The following GABBR2 variants were observed in gnomAD, a reference collection of about 807,000 sequenced individuals.
GABBR2 encodes the protein G-protein coupled receptor 51.
Under a neutral mutation model 105.6 loss-of-function variants are expected in GABBR2, and 23 were observed. That is an observed-to-expected ratio of 0.22 (90% confidence interval 0.16 to 0.31). The LOEUF (loss-of-function observed/expected upper bound fraction) is 0.31. Among genes scored for constraint, GABBR2 ranks in the 10% least tolerant of loss-of-function variants. The pLI, the probability that GABBR2 is intolerant of heterozygous loss-of-function variation, is 1.00. For missense variants in GABBR2, 734 were observed against 1,245.5 expected, an observed-to-expected ratio of 0.59 and a Z score of 6.18; for synonymous variants, 478 against 499.7, an observed-to-expected ratio of 0.96 and a Z score of 0.58.
chr9:98,443,937 C>T (rs1439102475), intron 7 of GABBR2, among the ~76,000 whole-genome samples: 1 of 152,202 alleles, frequency 6.6e-6, no homozygotes, highest in Non-Finnish European at 1.5e-5. Flanking sequence ...TCCTACCTGG[C>T]CCTGGTCTGG....
chr9:98,460,255 C>A (rs1826400019), intron 6 of GABBR2, among the ~76,000 whole-genome samples: 1 of 152,070 alleles, frequency 6.6e-6, no homozygotes, highest in African/African-American at 2.4e-5. Flanking sequence ...TGGTGGCGGG[C>A]ACCTGTAATT....
chr9:98,708,470 T>G lies in GABBR2; in HGVS notation c.268A>C (p.Asn90His). ...AVELAIEQIRNESLLRPYFLD... is the reference protein window; with the variant it reads ...AVELAIEQIRHESLLRPYFLD... The stretch of plus-strand genomic sequence containing the variant: ...AAGTAGGGGCGCAGGAGTGACTCGT[T>G]GCGGATCTGCTCGATGGCCAGTTCC... The change falls in exon 1 of 19, where the codon AAC (asparagine) becomes CAC (histidine). Residue 90 changes from asparagine to histidine, a missense_variant. Physicochemically the swap from Asn to His is moderately conservative, Grantham distance 68. This residue lies in a region of GABBR2 where 370 missense variants were observed against 648.9 expected (regional missense o/e 0.57). Coordinates refer to ENST00000259455, the MANE Select transcript of GABBR2 (RefSeq NM_005458.8). 3 of 1,583,532 alleles carry G rather than the reference T, an allele frequency of 1.9e-6. No individual in the cohort carries two copies. Among genetic ancestry groups the G allele is most frequent in the Non-Finnish European group, 2.6e-6 (3 of 1,163,856 alleles).
chr9:98,394,071 C>A, intron 9 of GABBR2, 104 bp downstream of exon 9: 1 of 784,936 alleles, frequency 1.3e-6, no homozygotes, highest in South Asian at 1.6e-5. Flanking sequence ...TTCCCTTGAC[C>A]CCCTGAAGCC....
At chr9:98,363,266 G>C (rs16915210) in intron 12 of GABBR2, among the ~76,000 whole-genome samples, 1 of 151,962 alleles carries the variant, frequency 6.6e-6, no homozygotes, top group Non-Finnish European at 1.5e-5. Flanking sequence ...ACTCCATAGC[G>C]CTTTGTCCAC....
intron 2 of GABBR2, among the ~76,000 whole-genome samples, chr9:98,557,928 A>G (rs902468042): frequency 1.3e-5 from 2 of 152,218 alleles, no homozygotes; most frequent in Non-Finnish European, 2.9e-5. Context: ...CAGGTTCATC[A>G]AAGAGTTTTT....
At chr9:98,499,278 G>A (rs1310689108) in intron 3 of GABBR2, among the ~76,000 whole-genome samples, 1 of 152,174 alleles carries the variant, frequency 6.6e-6, no homozygotes, top group Non-Finnish European at 1.5e-5. Context: ...TTTTATAGGT[G>A]GTCAGAACTC....
At chr9:98,369,021 G>A (rs1483991659) in intron 12 of GABBR2, among the ~76,000 whole-genome samples, 1 of 152,186 alleles carries the variant, frequency 6.6e-6, no homozygotes, top group African/African-American at 2.4e-5. Context: ...ACATCACCAG[G>A]GAAAGCTGAA....
At chr9:98,482,477 G>T (rs1750373806) in intron 4 of GABBR2, among the ~76,000 whole-genome samples, 1 of 152,104 alleles carries the variant, frequency 6.6e-6, no homozygotes, top group Admixed American at 6.5e-5. Context: ...CTTGCTTCCA[G>T]GCATGCTCCA....
At chr9:98,442,586 A>G (rs1826051653) in intron 7 of GABBR2, among the ~76,000 whole-genome samples, 1 of 152,244 alleles carries the variant, frequency 6.6e-6, no homozygotes, top group Non-Finnish European at 1.5e-5. Flanking sequence ...CAAAACAGTG[A>G]CAATAAATAG....
At chr9:98,481,042 A>G in intron 4 of GABBR2, 45 bp from the exon 5 acceptor site, 1 of 1,193,970 alleles carries the variant, frequency 8.4e-7, no homozygotes, top group South Asian at 1.2e-5. Context: ...GATGTTCAGC[A>G]CCCCATAAAG....
Position 98,385,677 on chromosome 9 carries a change from G to A in GABBR2, c.1625C>T (p.Ser542Phe). ...TTCAAAGGTCTTTTCAGAGACAAAG[G>A]ATCCATCAAGGCCAAAGAGAAATAT... The part of the protein sequence containing the change: ...ASIFLFGLDG[S>F]FVSEKTFETL... The change falls in exon 11 of 19, where the codon TCC (serine) becomes TTC (phenylalanine). Residue 542 changes from serine to phenylalanine, a missense_variant. Ser to Phe is a radical substitution (Grantham distance 155, BLOSUM62 -2). Around this residue, in one of 7 missense-constraint regions of GABBR2, gnomAD observed 370 missense variants for 648.9 expected, o/e 0.57. Transcript: ENST00000259455. The A allele has an allele frequency of 6.2e-7, 1 of 1,612,670 alleles. No individual in the cohort carries two copies. Among genetic ancestry groups the A allele is most frequent in the Non-Finnish European group, 8.5e-7 (1 of 1,178,696 alleles).
At chr9:98,583,072 G>A (rs952153114) in intron 1 of GABBR2, among the ~76,000 whole-genome samples, 9 of 152,130 alleles carry the variant, frequency 5.9e-5, no homozygotes, top group South Asian at 2.1e-4. Flanking sequence ...GGATAATGCC[G>A]CAAGCCCAGG....
At chr9:98,483,133 C>A (rs1227116404) in intron 4 of GABBR2, among the ~76,000 whole-genome samples, 1 of 152,126 alleles carries the variant, frequency 6.6e-6, no homozygotes, top group Non-Finnish European at 1.5e-5. Context: ...CCAAGAGGCC[C>A]TTTCCTCCTC....
intron 2 of GABBR2, among the ~76,000 whole-genome samples, chr9:98,565,834 C>T (rs368370201): frequency 3.9e-5 from 6 of 152,316 alleles, no homozygotes; most frequent in Admixed American, 6.5e-5. Context: ...GACGCGTACC[C>T]GGTATTATTG....
At chr9:98,478,962 T>G (rs753566798) in intron 5 of GABBR2, among the ~76,000 whole-genome samples, 4 of 152,168 alleles carry the variant, frequency 2.6e-5, no homozygotes, top group Non-Finnish European at 5.9e-5. Flanking sequence ...CCGAGTTTCT[T>G]TTGTAAAAGA....
intron 14 of GABBR2, among the ~76,000 whole-genome samples, chr9:98,310,137 A>G (rs1588093173): frequency 1.3e-5 from 2 of 152,180 alleles, no homozygotes; most frequent in East Asian, 1.9e-4. Context: ...CATGGTTTAT[A>G]TAGGATATAG....
intron 1 of GABBR2, among the ~76,000 whole-genome samples, chr9:98,649,399 C>A (rs1483870484): frequency 6.6e-6 from 1 of 152,142 alleles, no homozygotes; most frequent in Non-Finnish European, 1.5e-5. Flanking sequence ...CTTACGGCCC[C>A]AAAGAGTTAG....
At chr9:98,694,760 G>A (rs755710374) in intron 1 of GABBR2, among the ~76,000 whole-genome samples, 3 of 151,888 alleles carry the variant, frequency 2.0e-5, no homozygotes, top group South Asian at 2.1e-4. Context: ...CTCTTTCTCC[G>A]ATCTCTATAA....
At chr9:98,342,554 C>A (rs1442446333) in intron 13 of GABBR2, among the ~76,000 whole-genome samples, 1 of 152,204 alleles carries the variant, frequency 6.6e-6, no homozygotes, top group African/African-American at 2.4e-5. Context: ...GGAGGCAGCC[C>A]ATGGGTAATG....
Sources: allele counts gnomAD v4.1 joint callset (sites outside exome capture counted in the v4.1 genomes callset), GRCh38; gene constraint gnomAD v4.1.1; regional missense constraint gnomAD v4.1.1; transcripts MANE v1.5; gene names NCBI Gene and HGNC (gene_info 2026-07-23, HGNC 2026-07-21).